SLC9A7: variants seen among roughly 807,000 people sequenced by gnomAD.
SLC9A7 encodes the protein sodium/hydrogen exchanger 7.
In SLC9A7, 19 loss-of-function variants were observed where a neutral mutation model predicts 52.6. The ratio of observed to expected loss-of-function variants is 0.36; its 90% CI spans 0.25 to 0.53. The LOEUF (loss-of-function observed/expected upper bound fraction) is 0.53. Among genes scored for constraint, SLC9A7 ranks in the 20% least tolerant of loss-of-function variants. SLC9A7 has a pLI of 0.91. For missense variants in SLC9A7, 455 were observed against 597.9 expected, an observed-to-expected ratio of 0.76 and a Z score of 2.49; for synonymous variants, 226 against 252.1, an observed-to-expected ratio of 0.90 and a Z score of 0.98.
intron 1 of SLC9A7, among the ~76,000 whole-genome samples, chrX:46,757,422 C>T (rs1292148937): frequency 1.8e-5 from 2 of 112,631 alleles, no homozygotes; most frequent in Non-Finnish European, 1.9e-5. Context: ...GCCCCTTACA[C>T]GGTTTGGCTG....
chrX:46,733,856 T>C (rs965905343), intron 1 of SLC9A7, among the ~76,000 whole-genome samples: 2 of 110,545 alleles, frequency 1.8e-5, no homozygotes, highest in African/African-American at 6.6e-5. Flanking sequence ...ATGAAATATA[T>C]AGAAAATAAT....
At chrX:46,699,686 C>T (rs1298540689) in intron 1 of SLC9A7, among the ~76,000 whole-genome samples, 2 of 111,849 alleles carry the variant, frequency 1.8e-5, no homozygotes, top group Non-Finnish European at 3.8e-5. Flanking sequence ...TGCTACCCAT[C>T]TGGCTCCTTT....
chrX:46,606,907 C>T lies in SLC9A7; in HGVS notation c.*45G>A, dbSNP rs193037206. ...ACACTAGGGCTTGCAGCTGTCCTCACCCCATCGGGAGCCTACCCCATCGCG... is the reference window on the plus strand; with the variant it reads ...ACACTAGGGCTTGCAGCTGTCCTCATCCCATCGGGAGCCTACCCCATCGCG... On this transcript the variant is annotated 3_prime_UTR_variant, in exon 17 of 17. Transcript: ENST00000616978. 979 of 1,206,166 alleles carry T rather than the reference C, an allele frequency of 8.1e-4. 7 individuals carry two copies. The African/African-American group carries it at 0.016, about 19-fold the overall frequency.
intron 1 of SLC9A7, among the ~76,000 whole-genome samples, chrX:46,731,432 T>TATATAAAAAAAAAAAAAAAAAAAAA (rs748259550): frequency 5.1e-5 from 4 of 78,269 alleles, no homozygotes; most frequent in African/African-American, 1.6e-4. Flanking sequence ...TATAAAAAAT[T>TATATAAAAAAAAAAAAAAAAAAAAA]AAAAAAAATT....
Position 46,653,620 on chromosome X carries a change from C to T in SLC9A7, c.1136G>A (p.Cys379Tyr), listed in dbSNP as rs1377018713. The T allele has an allele frequency of 2.0e-5, 24 of 1,207,907 alleles. No homozygotes were observed. The highest frequency in any genetic ancestry group is 3.0e-5 in the East Asian group (1 of 33,808). ...TAGAAAAAACCTACCTGTAAATCCG[C>T]AGGCTTCTGCCAAGAGAAACGTGCT... ...SWSTFLLAEA[C>Y]GFTGVVAVLF... Residue 379 changes from cysteine (C) to tyrosine (Y), a missense_variant, in exon 8 of 17, where the codon TGC (cysteine) becomes TAC (tyrosine). By Grantham distance (194) the Cys-to-Tyr change is radical. Coordinates refer to ENST00000616978, the MANE Select transcript of SLC9A7 (RefSeq NM_001257291.2).
rs976551039 is a variant in SLC9A7, at chrX:46,690,634, A to G, written c.326-8099T>C. On this transcript the variant is annotated intron_variant, in intron 1 of 16. Transcript: ENST00000616978. ...CTGATAGATTAAATCTAATTTATCC[A>G]TTTTATTTTATTGCTTGTGGCTCTG... Among the ~76,000 whole-genome samples the G allele has an allele frequency of 1.6e-4, 18 of 111,916 alleles. No homozygotes were observed. The Admixed American group carries it at 1.7e-3, about 11-fold the overall frequency.
At chrX:46,660,327 A>G (rs1414887861) in intron 7 of SLC9A7, among the ~76,000 whole-genome samples, 1 of 112,148 alleles carries the variant, frequency 8.9e-6, no homozygotes. Flanking sequence ...CTTCATGTCT[A>G]AAACACCAAA....
In SLC9A7 at chrX:46,758,984, C is replaced by A; in HGVS notation, c.46G>T (p.Gly16Trp). Residue 16 changes from glycine to tryptophan, a missense_variant, in exon 1 of 17, where the codon GGG becomes TGG. This residue lies in a region of SLC9A7 where 304 missense variants were observed against 417.8 expected (regional missense o/e 0.73). Coordinates refer to ENST00000616978, the MANE Select transcript of SLC9A7 (RefSeq NM_001257291.2). ...AGCAGCAGCCGCGGCGGCGGCGCCC[C>A]GGTAGCCCGACCCGAGCCAGGGCGC... ...AARPGSGRAT[G>W]APPPRLLLLP... 2.0e-6 allele frequency: 2 copies of A among 1,022,601 alleles called. No individual in the cohort carries two copies. Among genetic ancestry groups the A allele is most frequent in the Middle Eastern group, 3.8e-4 (1 of 2,600 alleles). The allele number at this position is 1,022,601 out of a possible 1,213,427, so 84.3% of individuals were successfully genotyped here.
intron 8 of SLC9A7, 104 bp from the exon 9 acceptor site, chrX:46,651,508 C>A: frequency 1.6e-6 from 1 of 618,722 alleles, no homozygotes; most frequent in Non-Finnish European, 2.5e-6. Flanking sequence ...CCTAGCATAT[C>A]CAACTTCCTG....
chrX:46,650,548 G>A (rs970762349), intron 10 of SLC9A7, among the ~76,000 whole-genome samples: 1 of 110,744 alleles, frequency 9.0e-6, no homozygotes, highest in African/African-American at 3.3e-5. Context: ...TGCAGCAGCA[G>A]GGAAGCTTGA....
rs1403363218 is a variant in SLC9A7 at position 46,606,988 on chromosome X, G to A, written c.2145C>T (p.Gly715=). The A allele has an allele frequency of 1.7e-6, 2 of 1,211,215 alleles. No individual in the cohort carries two copies. The highest frequency in any genetic ancestry group is 3.0e-5 in the East Asian group (1 of 33,798). ...CTTCCAGGGGAAACACTAGGCGGGTGCCCCGGCTCGAAACCTTCTGGTCTC... is the reference window on the plus strand; with the variant it reads ...CTTCCAGGGGAAACACTAGGCGGGTACCCCGGCTCGAAACCTTCTGGTCTC... ...GMGDQKVSSR[G]TRLVFPLEDN... Residue 715 remains glycine (G), a synonymous_variant, in exon 17 of 17, where the codon GGC becomes GGT. Coordinates refer to ENST00000616978, the MANE Select transcript of SLC9A7 (RefSeq NM_001257291.2).
intron 1 of SLC9A7, among the ~76,000 whole-genome samples, chrX:46,755,533 G>A (rs1367554795): frequency 2.7e-5 from 3 of 111,326 alleles, no homozygotes; most frequent in Non-Finnish European, 3.8e-5. Context: ...TGAGGAGCAC[G>A]TTAAAATGCT....
intron 1 of SLC9A7, among the ~76,000 whole-genome samples, chrX:46,730,463 AC>A (rs1199519783): frequency 9.5e-6 from 1 of 105,735 alleles, no homozygotes; most frequent in Non-Finnish European, 1.9e-5. Flanking sequence ...GTTCAAGACC[AC>A]CCTGGGAATC....
chrX:46,609,676 G>A (rs1177959672), intron 16 of SLC9A7, among the ~76,000 whole-genome samples: 1 of 110,022 alleles, frequency 9.1e-6, no homozygotes, highest in Non-Finnish European at 1.9e-5. Flanking sequence ...CTCCCACCTG[G>A]GTGACAGAGC....
intron 1 of SLC9A7, among the ~76,000 whole-genome samples, chrX:46,699,372 T>C (rs17147394): frequency 0.023 from 2,531 of 111,749 alleles, 64 homozygotes; most frequent in African/African-American, 0.077. Context: ...CTTCTTCTGA[T>C]AGTCTTTGCA....
In SLC9A7 at chrX:46,705,332, T is replaced by TACCA. The variant is rs756696811; in HGVS notation, c.326-22801_326-22798dup. ...ACAATCAGGACTGACTTTTAGAAGA[T>TACCA]ACCATAGCAGTACAGAGAATTGACT... On this transcript the variant is annotated intron_variant, in intron 1 of 16. Transcript: ENST00000616978. Among the ~76,000 whole-genome samples the TACCA allele has an allele frequency of 5.7e-4, 64 of 112,463 alleles. 1 individual carries two copies. The East Asian group carries it at 0.017, about 30-fold the overall frequency.
chrX:46,652,731 T>A (rs1943603591), intron 8 of SLC9A7, among the ~76,000 whole-genome samples: 1 of 112,239 alleles, frequency 8.9e-6, no homozygotes, highest in African/African-American at 3.2e-5. Context: ...TGTACTTGAA[T>A]TTTCTAATGG....
At chrX:46,696,216 C>A (rs1944447631) in intron 1 of SLC9A7, among the ~76,000 whole-genome samples, 1 of 110,655 alleles carries the variant, frequency 9.0e-6, no homozygotes, top group South Asian at 3.8e-4. Context: ...GAACTCCTGG[C>A]CTCAGGTGAT....
At chrX:46,610,899 G>A in intron 16 of SLC9A7, among the ~76,000 whole-genome samples, 1 of 112,209 alleles carries the variant, frequency 8.9e-6, no homozygotes, top group Middle Eastern at 4.6e-3. Context: ...TTTTAATAGT[G>A]GATTTGTTGT....
Sources: allele counts gnomAD v4.1 joint callset (sites outside exome capture counted in the v4.1 genomes callset), GRCh38; gene constraint gnomAD v4.1.1; regional missense constraint gnomAD v4.1.1; transcripts MANE v1.5; gene names NCBI Gene and HGNC (gene_info 2026-07-23, HGNC 2026-07-21).